Variants in SLC12A7 observed in about 807,000 individuals in gnomAD.
SLC12A7 encodes the protein solute carrier family 12 member 7, also known as K-Cl cotransporter 4.
In SLC12A7, 100 loss-of-function variants were observed where a neutral mutation model predicts 120.6. The observed-to-expected ratio is 0.83, with a 90% CI of 0.71 to 0.98. The LOEUF (loss-of-function observed/expected upper bound fraction) is 0.98, where lower values mean the gene tolerates loss of function less well. SLC12A7 is among the 50% of genes least tolerant of loss of function. The probability of loss-of-function intolerance (pLI) is 0.00; values close to 1 mark genes in which losing one functional copy is unlikely to be tolerated. For missense variants in SLC12A7, 1,373 were observed against 1,548.1 expected, an observed-to-expected ratio of 0.89 and a Z score of 1.90; for synonymous variants, 760 against 678.0, an observed-to-expected ratio of 1.12 and a Z score of -1.88.
chr5:1,155,868 G>A, the SLC12A7 span, among the ~76,000 whole-genome samples: 1 of 151,494 alleles, frequency 6.6e-6, no homozygotes, highest in East Asian at 1.9e-4. Flanking sequence ...CTGGGACATG[G>A]TGTCCGCGAC....
the SLC12A7 span, among the ~76,000 whole-genome samples, chr5:1,143,331 A>G: frequency 6.6e-6 from 1 of 152,232 alleles, no homozygotes; most frequent in Non-Finnish European, 1.5e-5. Context: ...GTTCCCTCGC[A>G]GCCTGGGGGC....
chr5:1,081,371 A>G (rs1420208627), intron 9 of SLC12A7, among the ~76,000 whole-genome samples: 1 of 151,968 alleles, frequency 6.6e-6, no homozygotes, highest in Non-Finnish European at 1.5e-5. Flanking sequence ...AAAAATACAG[A>G]TATTAGCCGG....
At chr5:1,104,008 G>A (rs1282640634) in intron 1 of SLC12A7, among the ~76,000 whole-genome samples, 1 of 152,232 alleles carries the variant, frequency 6.6e-6, no homozygotes, top group Non-Finnish European at 1.5e-5. Flanking sequence ...AGGGCCCCCA[G>A]CGCACCTGCC....
In SLC12A7 at chr5:1,052,122, GCCCTC is replaced by G; in HGVS notation, c.*233_*237del. The stretch of plus-strand genomic sequence containing the variant: ...CCAGGTCACTCCGGTAGCAGCGTCT[GCCCTC>G]AGATGCAAGGAAATCGTCCAGCCAC... On this transcript the variant is annotated 3_prime_UTR_variant, in exon 24 of 24. Coordinates refer to ENST00000264930, the MANE Select transcript of SLC12A7 (RefSeq NM_006598.3). 1.7e-6 allele frequency: 1 copy of G among 574,096 alleles called. No individual in the cohort carries two copies. The highest frequency in any genetic ancestry group is 3.1e-6 in the Non-Finnish European group (1 of 321,442). The allele number at this position is 574,096 out of a possible 1,614,324, so 35.6% of individuals were successfully genotyped here. A position where few individuals can be genotyped will look rare whatever the true frequency, so the allele number is the denominator to read the frequency against.
intron 21 of SLC12A7, among the ~76,000 whole-genome samples, 164 bp from the exon 22 acceptor site, chr5:1,057,813 C>T (rs374090345): frequency 6.6e-5 from 10 of 152,276 alleles, no homozygotes; most frequent in Non-Finnish European, 1.0e-4. Context: ...CCTGCGCCGC[C>T]CCCGTGACTG....
intron 3 of SLC12A7, among the ~76,000 whole-genome samples, chr5:1,091,688 G>A (rs1740515043): frequency 6.6e-6 from 1 of 151,960 alleles, no homozygotes; most frequent in African/African-American, 2.4e-5. Context: ...AAGGTACTGA[G>A]TGCTGAGCCC....
At chr5:1,082,705 A>C (rs112787720) in intron 8 of SLC12A7, among the ~76,000 whole-genome samples, 2 of 83,286 alleles carry the variant, frequency 2.4e-5, no homozygotes, top group Non-Finnish European at 4.7e-5. Context: ...CGGGCTTCCC[A>C]TCTCGGGTTC....
chr5:1,055,759 G>A (rs144739257), intron 22 of SLC12A7, among the ~76,000 whole-genome samples: 34 of 152,336 alleles, frequency 2.2e-4, no homozygotes, highest in Admixed American at 1.2e-3. Flanking sequence ...GGTCTACGTC[G>A]TTCTTCGGCT....
chr5:1,087,186 C>G, intron 5 of SLC12A7, among the ~76,000 whole-genome samples, 153 bp from the exon 6 acceptor site: 1 of 152,330 alleles, frequency 6.6e-6, no homozygotes, highest in South Asian at 2.1e-4. Flanking sequence ...CACATGGAGA[C>G]GCTTCCACGG....
At position 1,097,639 on chromosome 5, in the gene SLC12A7, T is replaced by C. The variant is rs913232113; in HGVS notation, c.125-3391A>G. On this transcript the variant is annotated intron_variant, in intron 1 of 23. Coordinates refer to ENST00000264930, the MANE Select transcript of SLC12A7 (RefSeq NM_006598.3). ...AGGCACGACTCTGTCCTTCTGCTGC[T>C]TATTAAAGTAACACAGACGATGAGT... Among the ~76,000 whole-genome samples the C allele has an allele frequency of 7.2e-5, 11 of 152,200 alleles. 1 individual carries two copies. The highest frequency in any genetic ancestry group is 3.2e-3 in the Middle Eastern group (1 of 316).
intron 18 of SLC12A7, among the ~76,000 whole-genome samples, chr5:1,064,837 C>T (rs1240914503): frequency 9.4e-5 from 9 of 95,986 alleles, no homozygotes; most frequent in Non-Finnish European, 1.0e-4. Flanking sequence ...GAGGGGACGG[C>T]GAAGCGACGG....
In SLC12A7 at chr5:1,077,977, G is replaced by A. The variant is rs1738562778; in HGVS notation, c.1485C>T (p.Val495=). 6.3e-7 allele frequency: 1 copy of A among 1,589,490 alleles called. No homozygotes were observed. Among genetic ancestry groups the A allele is most frequent in the Non-Finnish European group, 8.6e-7 (1 of 1,168,892 alleles). ...KFGEALQGNL[V]IGMLAWPSPW... ...GGGAGGGCCAGGCCAGCATGCCGAT[G>A]ACCAGGTTCCCCTGCAGGGCCTCCC... The change falls in exon 12 of 24, where the codon GTC becomes GTT. Residue 495 remains valine (V), a synonymous_variant. Coordinates refer to ENST00000264930, the MANE Select transcript of SLC12A7 (RefSeq NM_006598.3).
the SLC12A7 span, among the ~76,000 whole-genome samples, chr5:1,137,173 C>A: frequency 3.3e-5 from 5 of 152,184 alleles, no homozygotes; most frequent in Admixed American, 6.5e-5. Context: ...CCCTCAAGCT[C>A]ACCCTGCCCC....
intron 1 of SLC12A7, among the ~76,000 whole-genome samples, chr5:1,096,863 A>AG (rs1741298054): frequency 2.5e-5 from 2 of 78,796 alleles, no homozygotes; most frequent in African/African-American, 1.0e-4. Context: ...GGAGGGAGGG[A>AG]TGAAGGGAGG....
Position 1,089,090 on chromosome 5 carries a change from C to T in SLC12A7, c.381G>A (p.Pro127=), listed in dbSNP as rs34615851. ...RMGTFIGVYL[P]CLQNILGVIL... ...TGACGCCCAGGATGTTCTGCAGGCA[C>T]GGCAGGTAGACGCCGATGAAGGTGC... is the stretch of plus-strand genomic sequence containing the variant. The change falls in exon 4 of 24, where the codon CCG becomes CCA. Residue 127 remains proline (P), a synonymous_variant. Coordinates refer to ENST00000264930, the MANE Select transcript of SLC12A7 (RefSeq NM_006598.3). The T allele has an allele frequency of 1.9e-3, 3,142 of 1,612,902 alleles. 54 individuals are homozygous for T. The African/African-American group carries it at 0.035, about 18-fold the overall frequency.
chr5:1,077,953 G>A lies in SLC12A7; in HGVS notation c.1509C>T (p.Ser503=), dbSNP rs372163383. 8.1e-6 allele frequency: 13 copies of A among 1,600,218 alleles called. No homozygotes were observed. Among genetic ancestry groups the A allele is most frequent in the African/African-American group, 6.7e-5 (5 of 74,726 alleles). The change falls in exon 12 of 24, where the codon TCC becomes TCT. Residue 503 remains serine (S), a synonymous_variant. Coordinates refer to ENST00000264930, the MANE Select transcript of SLC12A7 (RefSeq NM_006598.3). ...NLVIGMLAWP[S]PWVIVIGSFF... ...AGGAGCCGATGACGATGACCCAGGG[G>A]GAGGGCCAGGCCAGCATGCCGATGA...
the SLC12A7 span, among the ~76,000 whole-genome samples, chr5:1,133,611 G>A: frequency 1.2e-4 from 19 of 152,292 alleles, no homozygotes; most frequent in African/African-American, 2.4e-4. Flanking sequence ...TGCTGCTGAC[G>A]CTGACGCTTG....
chr5:1,055,380 C>T (rs942602039), intron 22 of SLC12A7, among the ~76,000 whole-genome samples: 10 of 152,118 alleles, frequency 6.6e-5, no homozygotes, highest in South Asian at 4.1e-4. Context: ...CATGCGAGCA[C>T]GCACACAAAC....
the SLC12A7 span, among the ~76,000 whole-genome samples, chr5:1,146,944 C>T: frequency 6.6e-6 from 1 of 152,198 alleles, no homozygotes; most frequent in African/African-American, 2.4e-5. The surrounding 1 kb of genome is among the most constrained non-coding windows in gnomAD (Gnocchi z 6.5). Context: ...CGCCCACCTC[C>T]CGAGGGCCGT....
Sources: gnomAD v4.1 joint callset for allele counts (sites outside exome capture counted in the v4.1 genomes callset) on GRCh38, gnomAD v4.1.1 for gene constraint, Gnocchi (gnomAD v3.1) non-coding constraint, MANE v1.5 for transcripts, NCBI Gene and HGNC (gene_info 2026-07-23, HGNC 2026-07-21) for gene names.